NCKAP5: variants seen among roughly 807,000 people sequenced by gnomAD.
The protein encoded by NCKAP5 is nck-associated protein 5.
A neutral mutation model predicts 167.0 loss-of-function variants in NCKAP5; 92 were observed. The observed-to-expected ratio is 0.55, with a 90% CI of 0.47 to 0.66. The LOEUF (loss-of-function observed/expected upper bound fraction) is 0.66, where lower values mean the gene tolerates loss of function less well. Among genes scored for constraint, NCKAP5 ranks in the 30% least tolerant of loss-of-function variants. NCKAP5 has a pLI of 0.00. For synonymous variants in NCKAP5, 891 were observed against 877.4 expected (o/e 1.02, Z -0.27); for missense variants, 2,378 against 2,315.0 (o/e 1.03, Z -0.56).
At chr2:133,492,756 G>C (rs1379878034) in intron 3 of NCKAP5, among the ~76,000 whole-genome samples, 1 of 152,084 alleles carries the variant, frequency 6.6e-6, no homozygotes, top group Non-Finnish European at 1.5e-5. Flanking sequence ...TTCAACTCTT[G>C]TTGATCTAAT....
chr2:133,040,579 A>T (rs2079182248), intron 6 of NCKAP5, among the ~76,000 whole-genome samples: 1 of 152,180 alleles, frequency 6.6e-6, no homozygotes, highest in South Asian at 2.1e-4. Flanking sequence ...AATTCATTAT[A>T]TAGGTATACA....
At chr2:132,913,495 C>A (rs1487194319) in intron 8 of NCKAP5, among the ~76,000 whole-genome samples, 1 of 152,002 alleles carries the variant, frequency 6.6e-6, no homozygotes, top group African/African-American at 2.4e-5. Context: ...GAGGTGAAAA[C>A]TGATAGAATA....
intron 8 of NCKAP5, among the ~76,000 whole-genome samples, chr2:132,939,400 C>T (rs916677930): frequency 6.6e-6 from 1 of 152,112 alleles, no homozygotes; most frequent in Admixed American, 6.5e-5. Flanking sequence ...GCTGATAATA[C>T]GATGGGTAGG....
chr2:133,627,358 A>G, the NCKAP5 span, among the ~76,000 whole-genome samples: 1 of 152,256 alleles, frequency 6.6e-6, no homozygotes, highest in Non-Finnish European at 1.5e-5. Context: ...TAATTCACAA[A>G]TTTCCAATTT....
intron 14 of NCKAP5, 148 bp downstream of exon 14, chr2:132,781,792 G>T: frequency 1.5e-6 from 1 of 645,324 alleles, no homozygotes; most frequent in Non-Finnish European, 2.5e-6. Flanking sequence ...CTTAAATTCT[G>T]GCTAATGTAT....
At chr2:133,234,555 T>C (rs1207231756) in intron 4 of NCKAP5, among the ~76,000 whole-genome samples, 1 of 152,166 alleles carries the variant, frequency 6.6e-6, no homozygotes, top group East Asian at 1.9e-4. Context: ...CCACTGTATG[T>C]TCTTTAACAT....
At chr2:133,419,865 A>C (rs1423991713) in intron 3 of NCKAP5, among the ~76,000 whole-genome samples, 1 of 152,240 alleles carries the variant, frequency 6.6e-6, no homozygotes, top group African/African-American at 2.4e-5. Context: ...CTGTAGTGAT[A>C]ATGTGTATAG....
At chr2:133,309,315 T>C (rs914876750) in intron 3 of NCKAP5, among the ~76,000 whole-genome samples, 3 of 152,144 alleles carry the variant, frequency 2.0e-5, no homozygotes, top group Non-Finnish European at 4.4e-5. Flanking sequence ...AAGATTTGAT[T>C]ATAAATTTTA....
chr2:133,569,701 C>A (rs114884871), upstream of NCKAP5, among the ~76,000 whole-genome samples: 1,073 of 152,224 alleles, frequency 7.0e-3, 20 homozygotes, highest in African/African-American at 0.024. Flanking sequence ...ATCTCACTAC[C>A]CCCAGCAGAT....
Position 132,743,415 on chromosome 2 carries a change from A to T in NCKAP5, c.5129-11364T>A, listed in dbSNP as rs540977275. On this transcript the variant is annotated intron_variant, in intron 16 of 19. Transcript: ENST00000409261. ...ATATAGAAGTAAAATATATAACAGC[A>T]CAAAGGATGGGAGAGGTTATATGAA... Among the ~76,000 whole-genome samples the T allele has an allele frequency of 2.0e-5, 3 of 151,968 alleles. No homozygotes were observed. The South Asian group carries it at 6.2e-4, about 32-fold the overall frequency.
At chr2:133,115,815 ATAGTGTT>A (rs1559154145) in intron 6 of NCKAP5, among the ~76,000 whole-genome samples, 8 of 83,722 alleles carry the variant, frequency 9.6e-5, no homozygotes, top group African/African-American at 4.7e-4. Context: ...ATATATATAT[ATAGTGTT>A]CACACACACA....
intron 3 of NCKAP5, among the ~76,000 whole-genome samples, chr2:133,447,524 C>T (rs1207953174): frequency 1.4e-5 from 2 of 145,078 alleles, no homozygotes; most frequent in Non-Finnish European, 1.5e-5. Context: ...CCTTTCCCTT[C>T]CTTTCCCTTC....
intron 16 of NCKAP5, among the ~76,000 whole-genome samples, chr2:132,745,724 T>C (rs1446008852): frequency 6.6e-6 from 1 of 151,964 alleles, no homozygotes; most frequent in Non-Finnish European, 1.5e-5. Context: ...CAAAACACTA[T>C]GAGAACTAAT....
intron 6 of NCKAP5, among the ~76,000 whole-genome samples, chr2:133,050,983 G>A (rs1307549372): frequency 6.6e-6 from 1 of 152,202 alleles, no homozygotes; most frequent in Admixed American, 6.5e-5. Flanking sequence ...AGTGCTGTTG[G>A]AATCATTAAA....
intron 4 of NCKAP5, among the ~76,000 whole-genome samples, chr2:133,274,417 G>T (rs1003596212): frequency 6.6e-6 from 1 of 151,966 alleles, no homozygotes; most frequent in Non-Finnish European, 1.5e-5. Context: ...AAAAGTGATG[G>T]ATTGGAAGAC....
At chr2:133,574,035 T>C in the NCKAP5 span, among the ~76,000 whole-genome samples, 1 of 152,198 alleles carries the variant, frequency 6.6e-6, no homozygotes, top group East Asian at 1.9e-4. Flanking sequence ...TGTGCCCCGA[T>C]TGTCTAAATA....
intron 2 of NCKAP5, among the ~76,000 whole-genome samples, chr2:133,531,239 T>C (rs1159936826): frequency 6.6e-6 from 1 of 152,108 alleles, no homozygotes; most frequent in Non-Finnish European, 1.5e-5. Context: ...AATATTTTAT[T>C]AATAACTTAT....
intron 19 of NCKAP5, among the ~76,000 whole-genome samples, chr2:132,717,162 G>C (rs1343606182): frequency 6.6e-6 from 1 of 152,224 alleles, no homozygotes; most frequent in African/African-American, 2.4e-5. Context: ...ATCCAGGAAA[G>C]TGTAATGCTG....
At chr2:133,431,311 A>C (rs560546013) in intron 3 of NCKAP5, among the ~76,000 whole-genome samples, 6 of 152,168 alleles carry the variant, frequency 3.9e-5, no homozygotes, top group Non-Finnish European at 8.8e-5. Context: ...TAAACTGGCC[A>C]TTTCAAGTTG....
Sources: gnomAD v4.1 joint callset for allele counts (sites outside exome capture counted in the v4.1 genomes callset) on GRCh38, gnomAD v4.1.1 for gene constraint, MANE v1.5 for transcripts, NCBI Gene and HGNC (gene_info 2026-07-23, HGNC 2026-07-21) for gene names.